FHIT: variants seen among roughly 807,000 people sequenced by gnomAD.
FHIT encodes the protein bis(5'-adenosyl)-triphosphatase.
FHIT carries 19 observed loss-of-function variants against 17.9 expected under a neutral mutation model. The observed-to-expected ratio is 1.06, with a 90% CI of 0.74 to 1.56. FHIT has a LOEUF of 1.56. Among genes scored for constraint, FHIT ranks in the 40% most tolerant of loss-of-function variants. FHIT has a pLI of 0.00. For missense variants in FHIT, 248 were observed against 189.2 expected (o/e 1.31, Z -1.82); for synonymous variants, 81 against 69.7 (o/e 1.16, Z -0.81).
chr3:60,453,519 G>A (rs745653808), intron 5 of FHIT, among the ~76,000 whole-genome samples: 5 of 152,280 alleles, frequency 3.3e-5, no homozygotes, highest in South Asian at 2.1e-4. Context: ...ACTGACAAAC[G>A]AGGAAAATGA....
At chr3:60,087,358 A>C (rs948350089) in intron 5 of FHIT, among the ~76,000 whole-genome samples, 1 of 152,144 alleles carries the variant, frequency 6.6e-6, no homozygotes, top group African/African-American at 2.4e-5. Flanking sequence ...CTCCATTTTA[A>C]TCATGCTAAT....
chr3:60,823,869 T>C (rs1196430853), intron 3 of FHIT, among the ~76,000 whole-genome samples: 5 of 152,158 alleles, frequency 3.3e-5, no homozygotes, highest in African/African-American at 9.7e-5. Flanking sequence ...ATGATGGCTC[T>C]GGATGAAGAA....
chr3:60,957,363 G>T (rs539484593), intron 3 of FHIT, among the ~76,000 whole-genome samples: 54 of 150,340 alleles, frequency 3.6e-4, no homozygotes, highest in Middle Eastern at 3.5e-3. Context: ...TCAGCCTCCT[G>T]AGTAGCTGGG....
At chr3:59,751,359 G>C (rs539219518) in intron 9 of FHIT, 17 of 184,210 alleles carry the variant, frequency 9.2e-5, no homozygotes, top group African/African-American at 2.3e-4. Flanking sequence ...TCCTGCCTCA[G>C]CTTCCCAAGT....
chr3:59,881,396 G>T (rs1049211373), intron 8 of FHIT, among the ~76,000 whole-genome samples: 1 of 152,134 alleles, frequency 6.6e-6, no homozygotes, highest in East Asian at 1.9e-4. Flanking sequence ...AAGGAAGGGG[G>T]TACGGGCAAT....
At chr3:61,133,465 G>A (rs2036823190) in intron 2 of FHIT, among the ~76,000 whole-genome samples, 1 of 152,174 alleles carries the variant, frequency 6.6e-6, no homozygotes, top group African/African-American at 2.4e-5. Context: ...AAGAGGAAAA[G>A]GGGAAAATAG....
intron 4 of FHIT, among the ~76,000 whole-genome samples, chr3:60,595,606 GATATATGTGTGTATGT>G (rs1262779446): frequency 0.047 from 6,825 of 146,664 alleles, 499 homozygotes; most frequent in African/African-American, 0.16. Flanking sequence ...TATACGTGTA[GATATATGTGTGTATGT>G]ATATATGTGT....
intron 8 of FHIT, among the ~76,000 whole-genome samples, chr3:59,877,567 G>A (rs1322630908): frequency 6.6e-6 from 1 of 152,210 alleles, no homozygotes; most frequent in Admixed American, 6.5e-5. Context: ...TCAGAAATAC[G>A]AGTGGAGAGG....
chr3:59,846,264 T>C (rs1392770628), intron 8 of FHIT, among the ~76,000 whole-genome samples: 1 of 152,140 alleles, frequency 6.6e-6, no homozygotes, highest in South Asian at 2.1e-4. Context: ...GTATATTCTT[T>C]AGCTGTTGTC....
At chr3:60,619,886 A>C (rs2039069407) in intron 4 of FHIT, among the ~76,000 whole-genome samples, 1 of 152,170 alleles carries the variant, frequency 6.6e-6, no homozygotes, top group Admixed American at 6.5e-5. Flanking sequence ...GACAAGCCAA[A>C]GGCTAGGAGA....
At chr3:59,854,009 G>C (rs900151458) in intron 8 of FHIT, among the ~76,000 whole-genome samples, 2 of 151,698 alleles carry the variant, frequency 1.3e-5, no homozygotes, top group African/African-American at 4.8e-5. Context: ...ATAAAAATAA[G>C]ACAAAGAACA....
rs183341363 is a variant in FHIT at position 60,035,351 on chromosome 3, C to T, written c.104-21199G>A. Reference sequence around the variant, plus strand: ...TCCTGGGTTCAAGCAATTTTCCTGCCTCAGCCTCCCGAGTAGCTGGGATTA... The same window carrying T: ...TCCTGGGTTCAAGCAATTTTCCTGCTTCAGCCTCCCGAGTAGCTGGGATTA... On this transcript the variant is annotated intron_variant, in intron 5 of 9. Coordinates refer to ENST00000492590, the MANE Select transcript of FHIT (RefSeq NM_002012.4). 5.8e-4 allele frequency among the ~76,000 whole-genome samples: 88 copies of T among 152,276 alleles called. 3 individuals carry two copies. The highest frequency in any genetic ancestry group is 9.7e-4 in the Non-Finnish European group (66 of 68,018).
At chr3:60,583,170 T>C (rs2037801984) in intron 4 of FHIT, among the ~76,000 whole-genome samples, 2 of 151,988 alleles carry the variant, frequency 1.3e-5, no homozygotes, top group South Asian at 2.1e-4. Flanking sequence ...AAATTCCTTA[T>C]TCTCCTTACT....
intron 8 of FHIT, among the ~76,000 whole-genome samples, chr3:59,833,303 T>C (rs1575564688): frequency 6.6e-6 from 1 of 152,138 alleles, no homozygotes; most frequent in South Asian, 2.1e-4. Flanking sequence ...TGAAATAGGG[T>C]GGGCTCCTAA....
chr3:60,352,012 T>C (rs1334831296), intron 5 of FHIT, among the ~76,000 whole-genome samples: 3 of 152,188 alleles, frequency 2.0e-5, no homozygotes, highest in African/African-American at 7.2e-5. Context: ...GTATCGTAAT[T>C]AGCTCTTCCG....
At chr3:60,536,397 G>T (rs2035982822) in intron 5 of FHIT, 1 of 153,028 alleles carries the variant, frequency 6.5e-6, no homozygotes, top group Admixed American at 6.5e-5. Flanking sequence ...CGCACAACTT[G>T]AATGATCTCC....
intron 5 of FHIT, among the ~76,000 whole-genome samples, chr3:60,150,135 T>C (rs1480240109): frequency 2.7e-5 from 4 of 148,116 alleles, no homozygotes; most frequent in Non-Finnish European, 6.0e-5. Context: ...TAGCTAGGAT[T>C]ACAGGCATGC....
At chr3:60,806,179 A>C (rs1325132561) in intron 4 of FHIT, among the ~76,000 whole-genome samples, 3 of 152,092 alleles carry the variant, frequency 2.0e-5, no homozygotes, top group Non-Finnish European at 4.4e-5. Flanking sequence ...CTTTCTTTGG[A>C]ATTTGTGGGA....
chr3:60,260,996 G>C (rs1336079064), intron 5 of FHIT, among the ~76,000 whole-genome samples: 1 of 151,944 alleles, frequency 6.6e-6, no homozygotes, highest in African/African-American at 2.4e-5. Context: ...TCAGCTCCGG[G>C]AATTGCCAAC....
Sources: gnomAD v4.1 joint callset for allele counts (sites outside exome capture counted in the v4.1 genomes callset) on GRCh38, gnomAD v4.1.1 for gene constraint, MANE v1.5 for transcripts, NCBI Gene and HGNC (gene_info 2026-07-23, HGNC 2026-07-21) for gene names.